TMPRSS11E: variants seen among roughly 807,000 people sequenced by gnomAD.
TMPRSS11E encodes the protein transmembrane serine protease 11E.
Under a neutral mutation model 48.1 loss-of-function variants are expected in TMPRSS11E, and 38 were observed. The ratio of observed to expected loss-of-function variants is 0.79; its 90% confidence interval spans 0.61 to 1.04. The LOEUF is 1.04. Ranked by LOEUF, TMPRSS11E falls within the 50% of genes least tolerant of loss-of-function variation. The pLI, the probability that TMPRSS11E is intolerant of heterozygous loss-of-function variation, is 0.00. For synonymous variants in TMPRSS11E, 158 were observed against 171.9 expected, an observed-to-expected ratio of 0.92 and a Z score of 0.63; for missense variants, 530 against 510.8, an observed-to-expected ratio of 1.04 and a Z score of -0.36.
chr4:68,463,634 G>A (rs1728852431), intron 2 of TMPRSS11E, among the ~76,000 whole-genome samples: 2 of 152,070 alleles, frequency 1.3e-5, no homozygotes, highest in Non-Finnish European at 2.9e-5. Flanking sequence ...ATGAATTGCT[G>A]GAATAACTTT....
chr4:68,479,048 A>G, intron 9 of TMPRSS11E, 57 bp downstream of exon 9: 1 of 1,592,202 alleles, frequency 6.3e-7, no homozygotes, highest in Non-Finnish European at 8.6e-7. Flanking sequence ...TTTCTTTGAA[A>G]TAATTATATA....
At position 68,468,956 on chromosome 4, in the gene TMPRSS11E, T is replaced by A; in HGVS notation, c.326+10T>A. ...AGGTTATCAAGTTCAGGTATGTAAATCTGAATTGCTGACTTCTGAATTTAA... is the reference window on the plus strand; with the variant it reads ...AGGTTATCAAGTTCAGGTATGTAAAACTGAATTGCTGACTTCTGAATTTAA... On this transcript the variant is annotated intron_variant, in intron 4 of 9. Coordinates refer to ENST00000305363, the MANE Select transcript of TMPRSS11E (RefSeq NM_014058.4). The A allele has an allele frequency of 6.3e-7, 1 of 1,597,664 alleles. No homozygotes were observed. Among genetic ancestry groups the A allele is most frequent in the African/African-American group, 1.3e-5 (1 of 74,576 alleles).
At chr4:68,469,053 C>T in intron 4 of TMPRSS11E, 107 bp downstream of exon 4, 1 of 904,694 alleles carries the variant, frequency 1.1e-6, no homozygotes, top group Non-Finnish European at 1.8e-6. Context: ...ATCCAACAAA[C>T]ATTTGACACT....
At chr4:68,460,219 A>G (rs1315419281) in intron 1 of TMPRSS11E, among the ~76,000 whole-genome samples, 3 of 152,184 alleles carry the variant, frequency 2.0e-5, no homozygotes, top group African/African-American at 4.8e-5. Context: ...TTCTATGCCA[A>G]TGCTCTTTAT....
In TMPRSS11E at chr4:68,489,535, G is replaced by A. The variant is rs968436941; in HGVS notation, c.1111-7108G>A. Among the ~76,000 whole-genome samples the A allele has an allele frequency of 9.2e-5, 14 of 152,210 alleles. No individual in the cohort carries two copies. In the South Asian group the frequency reaches 2.9e-3, roughly 32 times the overall value. Reference sequence around the variant, plus strand: ...GGTCAGTGTGCATGCATACACCAGTGAGTCAGTGGCTGGAGGCTGCAGGCA... The same window carrying A: ...GGTCAGTGTGCATGCATACACCAGTAAGTCAGTGGCTGGAGGCTGCAGGCA... On this transcript the variant is annotated intron_variant, in intron 9 of 9. Coordinates refer to ENST00000305363, the MANE Select transcript of TMPRSS11E (RefSeq NM_014058.4).
Position 68,485,831 on chromosome 4 carries a change from T to G in TMPRSS11E, c.1110+6840T>G, listed in dbSNP as rs1232816582. ...AAAATTACTGGTTCAATTTTGGAAC[T>G]CATTATTTATCTTCTCAGGTATTCA... On this transcript the variant is annotated intron_variant, in intron 9 of 9. Coordinates refer to ENST00000305363, the MANE Select transcript of TMPRSS11E (RefSeq NM_014058.4). 1.3e-5 allele frequency among the ~76,000 whole-genome samples: 2 copies of G among 152,152 alleles called. 1 individual carries two copies. The highest frequency in any genetic ancestry group is 4.8e-5 in the African/African-American group (2 of 41,446).
At chr4:68,471,166 G>T (rs1240153166) in intron 4 of TMPRSS11E, among the ~76,000 whole-genome samples, 1 of 151,848 alleles carries the variant, frequency 6.6e-6, no homozygotes, top group East Asian at 1.9e-4. Context: ...TGTATTTTAT[G>T]TGTGCATTTC....
intron 4 of TMPRSS11E, among the ~76,000 whole-genome samples, chr4:68,469,461 G>T (rs187539960): frequency 5.9e-4 from 89 of 151,976 alleles, no homozygotes; most frequent in Non-Finnish European, 1.0e-3. Context: ...TTTTCAATAA[G>T]ATATTGACAT....
rs1057409394 is a variant in TMPRSS11E, at chr4:68,497,517, G to A, written c.*713G>A. 3 of 152,110 alleles carry A rather than the reference G, an allele frequency of 2.0e-5. No individual in the cohort carries two copies. Among genetic ancestry groups the A allele is most frequent in the Admixed American group, 2.0e-4 (3 of 15,252 alleles). 9.4% of individuals were successfully genotyped at this position (152,110 alleles called of 1,614,324 possible). A position where few individuals can be genotyped will look rare whatever the true frequency, so the allele number is the denominator to read the frequency against. On this transcript the variant is annotated 3_prime_UTR_variant, in exon 10 of 10. Coordinates refer to ENST00000305363, the MANE Select transcript of TMPRSS11E (RefSeq NM_014058.4). The stretch of plus-strand genomic sequence containing the variant: ...AATAATTATACAAACTTCATGCAAT[G>A]TACTTGTTCTAAGCAAATTAAAGCA...
chr4:68,468,671 C>T (rs1728984049), intron 3 of TMPRSS11E, among the ~76,000 whole-genome samples: 1 of 152,040 alleles, frequency 6.6e-6, no homozygotes, highest in African/African-American at 2.4e-5. Flanking sequence ...CTGCGGTTCC[C>T]TACTCCTATC....
chr4:68,491,137 GT>G (rs1729708715), intron 9 of TMPRSS11E, among the ~76,000 whole-genome samples: 1 of 151,768 alleles, frequency 6.6e-6, no homozygotes. Context: ...AGTCTTTTCA[GT>G]TGGGATTTAT....
At chr4:68,482,636 G>A in intron 9 of TMPRSS11E, among the ~76,000 whole-genome samples, 1 of 142,304 alleles carries the variant, frequency 7.0e-6, no homozygotes, top group African/African-American at 2.6e-5. Flanking sequence ...GCTGGGCTTT[G>A]TGGCATATGC....
rs1729881680 is a variant in TMPRSS11E, at chr4:68,496,779, G to A, written c.1247G>A (p.Trp416Ter). The A allele has an allele frequency of 2.5e-6, 4 of 1,612,336 alleles. No homozygotes were observed. The South Asian group carries it at 3.3e-5, about 13-fold the overall frequency. Residue 416 changes from tryptophan (W) to a stop codon, truncating the protein, a stop_gained, in exon 10 of 10, where the codon TGG (tryptophan) becomes TAG (stop). Transcript: ENST00000305363. LOFTEE classifies it high-confidence loss of function. ...VYTRVTALRD[W>*]ITSKTGI Reference sequence around the variant, plus strand: ...ACTAGAGTTACGGCCTTGCGGGACTGGATTACTTCAAAAACTGGTATCTAA... The same window carrying A: ...ACTAGAGTTACGGCCTTGCGGGACTAGATTACTTCAAAAACTGGTATCTAA...
rs1486031782 is a variant in TMPRSS11E, at chr4:68,496,958, GCT to G, written c.*157_*158del. On this transcript the variant is annotated 3_prime_UTR_variant, in exon 10 of 10. Transcript: ENST00000305363. The stretch of plus-strand genomic sequence containing the variant: ...GCTTGATGCATGTATTTTCTTCCCA[GCT>G]CTGTTCCGCACATAAGCATCCTGCT... 1.3e-6 allele frequency: 1 copy of G among 758,678 alleles called. No individual in the cohort carries two copies. The highest frequency in any genetic ancestry group is 2.2e-6 in the Non-Finnish European group (1 of 462,348). The allele number at this position is 758,678 out of a possible 1,614,324, so 47.0% of individuals were successfully genotyped here.
intron 9 of TMPRSS11E, among the ~76,000 whole-genome samples, chr4:68,479,239 C>G (rs1729335193): frequency 1.3e-5 from 2 of 152,098 alleles, no homozygotes; most frequent in African/African-American, 4.8e-5. Context: ...ACCACCACTA[C>G]AGTTAAGATG....
chr4:68,463,076 G>C (rs1465058117), intron 2 of TMPRSS11E, among the ~76,000 whole-genome samples: 3 of 152,062 alleles, frequency 2.0e-5, no homozygotes, highest in Non-Finnish European at 1.5e-5. Flanking sequence ...AATTTAATTG[G>C]GACCTTGTTG....
In TMPRSS11E at chr4:68,496,637, C is replaced by T; in HGVS notation, c.1111-6C>T. 1 of 1,609,042 alleles carries T rather than the reference C, an allele frequency of 6.2e-7. No homozygotes were observed. Among genetic ancestry groups the T allele is most frequent in the Non-Finnish European group, 8.5e-7 (1 of 1,178,120 alleles). ...ATGAATTACTAATTTCTGTCTTCTC[C>T]TTTAGGGTGACTCTGGAGGACCACT... On this transcript the variant is annotated splice_polypyrimidine_tract_variant and splice_region_variant and intron_variant, in intron 9 of 9. Coordinates refer to ENST00000305363, the MANE Select transcript of TMPRSS11E (RefSeq NM_014058.4).
chr4:68,457,958 G>A (rs1365515632), intron 1 of TMPRSS11E, among the ~76,000 whole-genome samples: 1 of 152,060 alleles, frequency 6.6e-6, no homozygotes, highest in Non-Finnish European at 1.5e-5. Context: ...GGGAGGGATA[G>A]TATTAGGAGA....
At chr4:68,468,058 A>G (rs537597377) in intron 3 of TMPRSS11E, among the ~76,000 whole-genome samples, 1 of 152,260 alleles carries the variant, frequency 6.6e-6, no homozygotes, top group Admixed American at 6.5e-5. Context: ...CATCCTATTC[A>G]GAGGACTTCT....
Sources: allele counts gnomAD v4.1 joint callset (sites outside exome capture counted in the v4.1 genomes callset), GRCh38; gene constraint gnomAD v4.1.1; transcripts MANE v1.5; gene names NCBI Gene and HGNC (gene_info 2026-07-23, HGNC 2026-07-21).